LRRC38: variants seen among roughly 807,000 people sequenced by gnomAD.
The protein encoded by LRRC38 is leucine rich repeat containing 38.
LRRC38 carries 5 observed loss-of-function variants against 16.4 expected under a neutral mutation model. The observed-to-expected ratio is 0.31, with a 90% CI of 0.16 to 0.64. The LOEUF (loss-of-function observed/expected upper bound fraction) is 0.64, where lower values mean the gene tolerates loss of function less well. LRRC38 is among the 30% of genes least tolerant of loss of function. The probability of loss-of-function intolerance (pLI) is 0.80; values close to 1 mark genes in which losing one functional copy is unlikely to be tolerated. For missense variants in LRRC38, 341 were observed against 401.8 expected (o/e 0.85, Z 1.29); for synonymous variants, 191 against 190.2 (o/e 1.00, Z -0.04).
rs186007186 is a variant in LRRC38, at chr1:13,484,870, T to C, written c.632-8771A>G. Among the ~76,000 whole-genome samples, 49 of 152,274 alleles carry C rather than the reference T, an allele frequency of 3.2e-4. 1 individual carries two copies. The highest frequency in any genetic ancestry group is 3.4e-3 in the Middle Eastern group (1 of 294). ...TTCGCAGATAAGCAAACTGAACAAT[T>C]ATGTTACCTGCTTGAGGTTATCCAG... is the stretch of plus-strand genomic sequence containing the variant. On this transcript the variant is annotated intron_variant, in intron 1 of 1. Coordinates refer to ENST00000376085, the MANE Select transcript of LRRC38 (RefSeq NM_001010847.2).
rs1307753891 is a variant in LRRC38, at chr1:13,512,968, G to C, written c.626C>G (p.Pro209Arg). The C allele has an allele frequency of 3.3e-6, 5 of 1,502,912 alleles. No homozygotes were observed. In the African/African-American group the frequency reaches 7.0e-5, roughly 21 times the overall value. The allele number at this position is 1,502,912 out of a possible 1,614,324, so 93.1% of individuals were successfully genotyped here. ...SWIQENASKL[P>R]KGLDEIQCSL... ...GCCTAGCCGGCTCGGCTCACCTTTG[G>C]GCAGTTTGGATGCGTTCTCCTGGAT... The change falls in exon 1 of 2, where the codon CCC (proline) becomes CGC (arginine). Residue 209 changes from proline (P) to arginine (R), a missense_variant. Pro to Arg is a moderately radical substitution (Grantham distance 103). Coordinates refer to ENST00000376085, the MANE Select transcript of LRRC38 (RefSeq NM_001010847.2).
intron 1 of LRRC38, among the ~76,000 whole-genome samples, chr1:13,510,103 G>A (rs1489733748): frequency 2.6e-5 from 4 of 152,090 alleles, no homozygotes; most frequent in Non-Finnish European, 4.4e-5. Flanking sequence ...GCTGGGCTCT[G>A]TCTTGCTTCT....
At chr1:13,501,681 A>C (rs539486519) in intron 1 of LRRC38, among the ~76,000 whole-genome samples, 1,875 of 141,844 alleles carry the variant, frequency 0.013, 30 homozygotes, top group Non-Finnish European at 0.022. Context: ...GCAACTTCCA[A>C]CTCCCAGGTT....
chr1:13,484,596 TC>T (rs1034873255), intron 1 of LRRC38, among the ~76,000 whole-genome samples: 1 of 152,146 alleles, frequency 6.6e-6, no homozygotes. Context: ...AAAAGTTCTT[TC>T]CCCCAAATTC....
At chr1:13,483,976 T>C (rs1479217833) in intron 1 of LRRC38, among the ~76,000 whole-genome samples, 1 of 150,294 alleles carries the variant, frequency 6.7e-6, no homozygotes. Flanking sequence ...AGGGAGCGAG[T>C]ACGCATGTGT....
intron 1 of LRRC38, among the ~76,000 whole-genome samples, chr1:13,491,956 G>A (rs952407765): frequency 3.9e-5 from 6 of 152,174 alleles, no homozygotes; most frequent in Non-Finnish European, 5.9e-5. Flanking sequence ...GATTACAGGT[G>A]TGAGCCCCAG....
intron 1 of LRRC38, among the ~76,000 whole-genome samples, chr1:13,500,948 T>C (rs1295729641): frequency 6.6e-6 from 1 of 152,088 alleles, no homozygotes; most frequent in African/African-American, 2.4e-5. Flanking sequence ...GGCACAAAGA[T>C]TTTGAGGGTC....
rs570886759 is a variant in LRRC38 at position 13,502,084 on chromosome 1, C to T, written c.631+10879G>A. The stretch of plus-strand genomic sequence containing the variant: ...TGGGGACTACAGGGGCACGCTGCCA[C>T]GCCCAGCCAATTTTTTTTTTTTTTT... On this transcript the variant is annotated intron_variant, in intron 1 of 1. Transcript: ENST00000376085. Among the ~76,000 whole-genome samples, 12 of 150,276 alleles carry T rather than the reference C, an allele frequency of 8.0e-5. No homozygotes were observed. In the East Asian group the frequency reaches 8.2e-4, roughly 10 times the overall value.
At chr1:13,510,633 G>C (rs1337613480) in intron 1 of LRRC38, among the ~76,000 whole-genome samples, 1 of 137,192 alleles carries the variant, frequency 7.3e-6, no homozygotes, top group Non-Finnish European at 1.6e-5. Context: ...TCTGTGAAAA[G>C]TAGAAAAAGC....
chr1:13,509,233 C>T (rs1639247332), intron 1 of LRRC38, among the ~76,000 whole-genome samples: 1 of 152,150 alleles, frequency 6.6e-6, no homozygotes, highest in South Asian at 2.1e-4. Flanking sequence ...GCTCGAATCT[C>T]TTTCCTAGTG....
At chr1:13,481,616 C>T (rs1467774928) in intron 1 of LRRC38, among the ~76,000 whole-genome samples, 3 of 151,384 alleles carry the variant, frequency 2.0e-5, no homozygotes, top group East Asian at 3.9e-4. Flanking sequence ...AGGATTGTCT[C>T]CACCTCCTGA....
chr1:13,513,250 T>C lies in LRRC38; in HGVS notation c.344A>G (p.Asn115Ser). ...KLVFLDLSYNNLTQLGAGAFR... is the reference protein window; with the variant it reads ...KLVFLDLSYNSLTQLGAGAFR... ...GGCGCCGGCGCCCAGCTGGGTCAAG[T>C]TGTTGTAGCTGAGGTCGAGGAACAC... The change falls in exon 1 of 2, where the codon AAC becomes AGC. Residue 115 changes from asparagine to serine, a missense_variant. Transcript: ENST00000376085. The C allele has an allele frequency of 1.3e-6, 2 of 1,549,922 alleles. No individual in the cohort carries two copies. Among genetic ancestry groups the C allele is most frequent in the Non-Finnish European group, 1.7e-6 (2 of 1,146,750 alleles).
intron 1 of LRRC38, 41 bp downstream of exon 1, chr1:13,512,922 C>CCG: frequency 8.2e-7 from 1 of 1,218,338 alleles, no homozygotes. Context: ...CCTCTCCCTG[C>CCG]CCCCCTCCCT....
intron 1 of LRRC38, among the ~76,000 whole-genome samples, chr1:13,476,690 G>C (rs1638793062): frequency 6.6e-6 from 1 of 152,162 alleles, no homozygotes; most frequent in Non-Finnish European, 1.5e-5. Flanking sequence ...ATCATTATCT[G>C]TTTCGGGTTT....
chr1:13,510,415 A>C (rs1639261496), intron 1 of LRRC38, among the ~76,000 whole-genome samples: 1 of 152,168 alleles, frequency 6.6e-6, no homozygotes, highest in Admixed American at 6.5e-5. Context: ...TAAAACACTT[A>C]CATAGTATAT....
intron 1 of LRRC38, among the ~76,000 whole-genome samples, chr1:13,482,184 G>GAGAGA (rs911623575): frequency 2.0e-5 from 3 of 152,130 alleles, no homozygotes; most frequent in African/African-American, 7.2e-5. Flanking sequence ...GTGGGAGGAA[G>GAGAGA]AGAGAGAGAC....
intron 1 of LRRC38, among the ~76,000 whole-genome samples, chr1:13,502,807 C>T (rs1405107291): frequency 6.6e-6 from 1 of 152,214 alleles, no homozygotes; most frequent in African/African-American, 2.4e-5. Context: ...GAGGTCCTGA[C>T]CTTCGGCTCT....
chr1:13,510,759 G>A lies in LRRC38; in HGVS notation c.631+2204C>T, dbSNP rs146813663. On this transcript the variant is annotated intron_variant, in intron 1 of 1. Coordinates refer to ENST00000376085, the MANE Select transcript of LRRC38 (RefSeq NM_001010847.2). Reference sequence around the variant, plus strand: ...CTCATTTAAATCTCACAGCAAGCACGGCAGAGGACACCATTACCACATTCT... The same window carrying A: ...CTCATTTAAATCTCACAGCAAGCACAGCAGAGGACACCATTACCACATTCT... Among the ~76,000 whole-genome samples the A allele has an allele frequency of 3.0e-3, 458 of 152,270 alleles. 2 individuals carry two copies. The highest frequency in any genetic ancestry group is 4.5e-3 in the Non-Finnish European group (307 of 68,012).
chr1:13,495,393 G>A (rs1395668799), intron 1 of LRRC38, among the ~76,000 whole-genome samples: 1 of 152,060 alleles, frequency 6.6e-6, no homozygotes, highest in Non-Finnish European at 1.5e-5. Flanking sequence ...AATGAGACCT[G>A]AGACGTGCAA....
Sources: allele counts gnomAD v4.1 joint callset (sites outside exome capture counted in the v4.1 genomes callset), GRCh38; gene constraint gnomAD v4.1.1; transcripts MANE v1.5; gene names NCBI Gene and HGNC (gene_info 2026-07-23, HGNC 2026-07-21).